Variants in NDC1 observed in about 807,000 individuals in gnomAD.
The protein encoded by NDC1 is NDC1 transmembrane nucleoporin, also known as nucleoporin NDC1.
Under a neutral mutation model 89.8 loss-of-function variants are expected in NDC1, and 24 were observed. That is an observed-to-expected ratio of 0.27 (90% CI 0.19 to 0.38). NDC1 has a LOEUF of 0.38. NDC1 is among the 10% of genes least tolerant of loss of function. NDC1 has a pLI of 1.00. For synonymous variants in NDC1, 296 were observed against 284.8 expected (o/e 1.04, Z -0.39); for missense variants, 728 against 797.6 (o/e 0.91, Z 1.05).
At chr1:53,798,551 CTTTT>C (rs377090464) in intron 11 of NDC1, among the ~76,000 whole-genome samples, 2 of 138,602 alleles carry the variant, frequency 1.4e-5, no homozygotes, top group African/African-American at 2.6e-5. Context: ...TATGACTTTT[CTTTT>C]TTTTTTTTTT....
rs761340819 is a variant in NDC1, at chr1:53,768,046, T to C, written c.1962-13A>G. 1.3e-6 allele frequency: 2 copies of C among 1,585,826 alleles called. No individual in the cohort carries two copies. The highest frequency in any genetic ancestry group is 1.7e-6 in the Non-Finnish European group (2 of 1,164,232). ...TGCTTGCACAGCACTAAATGAAACA[T>C]AAATTCAAAGCATAAGCTTTATTTT... On this transcript the variant is annotated splice_polypyrimidine_tract_variant and intron_variant, in intron 17 of 17. Transcript: ENST00000371429.
intron 5 of NDC1, among the ~76,000 whole-genome samples, 165 bp from the exon 6 acceptor site, chr1:53,819,244 G>T (rs1195070679): frequency 6.6e-6 from 1 of 152,138 alleles, no homozygotes; most frequent in Admixed American, 6.5e-5. Flanking sequence ...TATTTCAGAT[G>T]TTAAAAAATT....
At chr1:53,779,119 C>CAAAAAAA (rs11412563) in intron 16 of NDC1, among the ~76,000 whole-genome samples, 2 of 55,522 alleles carry the variant, frequency 3.6e-5, no homozygotes, top group Non-Finnish European at 7.0e-5. Flanking sequence ...GACTCTGTCG[C>CAAAAAAA]AAAAAAAAAA....
intron 5 of NDC1, among the ~76,000 whole-genome samples, chr1:53,820,956 T>C (rs1483453134): frequency 1.3e-5 from 2 of 151,694 alleles, no homozygotes; most frequent in Admixed American, 6.6e-5. Flanking sequence ...TCTGCCCACC[T>C]TGACCTCCCA....
intron 2 of NDC1, among the ~76,000 whole-genome samples, chr1:53,834,921 A>G (rs938979012): frequency 2.0e-5 from 3 of 152,112 alleles, no homozygotes; most frequent in African/African-American, 7.2e-5. Context: ...CAGCCTGGGT[A>G]ACGTGGCAAA....
At chr1:53,774,485 C>A (rs988835784) in intron 16 of NDC1, among the ~76,000 whole-genome samples, 1 of 152,166 alleles carries the variant, frequency 6.6e-6, no homozygotes, top group Non-Finnish European at 1.5e-5. Context: ...GAAAAATAAT[C>A]ATCATCATTA....
rs183066113 is a variant in NDC1, at chr1:53,770,662, T to C, written c.1961+1667A>G. Among the ~76,000 whole-genome samples, 367 of 152,038 alleles carry C rather than the reference T, an allele frequency of 2.4e-3. 2 individuals carry two copies. The highest frequency in any genetic ancestry group is 8.6e-3 in the African/African-American group (355 of 41,462). ...ATCAGTCATCTATATCTCTTTTTCT[T>C]TTTTTTCTTTGAGACCGAGTCTCGC... On this transcript the variant is annotated intron_variant, in intron 17 of 17. Coordinates refer to ENST00000371429, the MANE Select transcript of NDC1 (RefSeq NM_018087.5).
chr1:53,822,075 A>G (rs945507097), intron 5 of NDC1, among the ~76,000 whole-genome samples: 5 of 152,220 alleles, frequency 3.3e-5, no homozygotes, highest in East Asian at 1.9e-4. Context: ...GATAAAGGCA[A>G]TAGAACTGGT....
chr1:53,828,574 T>G (rs1017780991), intron 3 of NDC1, among the ~76,000 whole-genome samples: 67 of 151,934 alleles, frequency 4.4e-4, no homozygotes, highest in African/African-American at 1.6e-3. Flanking sequence ...TCCTGAATAC[T>G]GACTTTTTAT....
chr1:53,779,360 C>CT (rs564142530), intron 16 of NDC1, among the ~76,000 whole-genome samples: 2,096 of 146,398 alleles, frequency 0.014, 38 homozygotes, highest in African/African-American at 0.049. Flanking sequence ...CTATAACATA[C>CT]TTTTTTTTTT....
intron 8 of NDC1, 79 bp downstream of exon 8, chr1:53,807,577 G>A: frequency 8.0e-7 from 1 of 1,254,440 alleles, no homozygotes; most frequent in Admixed American, 2.4e-5. Context: ...TGCGTGTGCT[G>A]ATCAGTGTGC....
chr1:53,837,349 A>C (rs1210574027), intron 1 of NDC1, among the ~76,000 whole-genome samples: 1 of 152,146 alleles, frequency 6.6e-6, no homozygotes, highest in Non-Finnish European at 1.5e-5. Flanking sequence ...GAGGCGGATG[A>C]CTCACTTGAG....
chr1:53,808,855 A>G (rs1403582382), intron 7 of NDC1, among the ~76,000 whole-genome samples: 1 of 152,236 alleles, frequency 6.6e-6, no homozygotes, highest in African/African-American at 2.4e-5. Flanking sequence ...AGAAACCATA[A>G]TATCTCTTAA....
chr1:53,810,124 A>G (rs372309350), intron 6 of NDC1, among the ~76,000 whole-genome samples: 1 of 152,286 alleles, frequency 6.6e-6, no homozygotes, highest in East Asian at 1.9e-4. Flanking sequence ...AATCCCATCA[A>G]TTCTCTCAAA....
At chr1:53,812,474 A>G (rs1421060811) in intron 6 of NDC1, among the ~76,000 whole-genome samples, 1 of 152,262 alleles carries the variant, frequency 6.6e-6, no homozygotes, top group African/African-American at 2.4e-5. Context: ...ATGCTCTGGA[A>G]AGTCTCAGCA....
In NDC1 at chr1:53,819,083, T is replaced by C. The variant is rs1197023328; in HGVS notation, c.595-4A>G. On this transcript the variant is annotated splice_region_variant and splice_polypyrimidine_tract_variant and intron_variant, in intron 5 of 17. Transcript: ENST00000371429. ...TAAAACGCAAGAACTTGTATTGCTG[T>C]GGGGAAAAAAAAAAGAATCAAATGA... The C allele has an allele frequency of 1.4e-6, 2 of 1,419,732 alleles. No homozygotes were observed. The highest frequency in any genetic ancestry group is 1.4e-5 in the African/African-American group (1 of 69,502). 87.9% of individuals were successfully genotyped at this position (1,419,732 alleles called of 1,614,324 possible).
Position 53,805,931 on chromosome 1 carries a change from G to T in NDC1, c.984+494C>A, listed in dbSNP as rs546488658. On this transcript the variant is annotated intron_variant, in intron 9 of 17. Transcript: ENST00000371429. The stretch of plus-strand genomic sequence containing the variant: ...CTACTAAAAATACAAAAAATTAGCC[G>T]GGCGTGGTAGCGGGCGCCTGTAATC... Among the ~76,000 whole-genome samples the T allele has an allele frequency of 7.2e-5, 11 of 152,136 alleles. No homozygotes were observed. In the South Asian group the frequency reaches 1.5e-3, roughly 20 times the overall value.
In NDC1 at chr1:53,767,902, T is replaced by C. The variant is rs781682508; in HGVS notation, c.*68A>G. 2 of 977,322 alleles carry C rather than the reference T, an allele frequency of 2.0e-6. No individual in the cohort carries two copies. The highest frequency in any genetic ancestry group is 3.1e-6 in the Non-Finnish European group (2 of 648,390). The allele number at this position is 977,322 out of a possible 1,614,324, so 60.5% of individuals were successfully genotyped here. On this transcript the variant is annotated 3_prime_UTR_variant, in exon 18 of 18. Transcript: ENST00000371429. ...AGTCCGTTTTCTTCTGATCCAAGAA[T>C]GCTGAACATTTACTGTCCCATCTGT...
chr1:53,819,766 C>T (rs961084145), intron 5 of NDC1, among the ~76,000 whole-genome samples: 16 of 152,110 alleles, frequency 1.1e-4, no homozygotes, highest in Non-Finnish European at 1.8e-4. Context: ...TAAGTCATGC[C>T]TCCTCTCTAA....
Sources: allele counts gnomAD v4.1 joint callset (sites outside exome capture counted in the v4.1 genomes callset), GRCh38; gene constraint gnomAD v4.1.1; transcripts MANE v1.5; gene names NCBI Gene and HGNC (gene_info 2026-07-23, HGNC 2026-07-21).